Variants in MSL1 observed in about 807,000 individuals in gnomAD.
MSL1 encodes male-specific lethal 1 homolog.
In MSL1, 21 loss-of-function variants were observed where a neutral mutation model predicts 64.6. The observed-to-expected ratio is 0.33, with a 90% CI of 0.23 to 0.47. The LOEUF (loss-of-function observed/expected upper bound fraction) is 0.47. Among genes scored for constraint, MSL1 ranks in the 20% least tolerant of loss-of-function variants. The pLI is 1.00. For missense variants in MSL1, 664 were observed against 793.2 expected (o/e 0.84, Z 1.96); for synonymous variants, 339 against 329.6 (o/e 1.03, Z -0.31).
Position 40,131,417 on chromosome 17 carries a change from C to G in MSL1, c.1376-120C>G. ...CCCCAGAGAGAAATTCTCAAAAGAA[C>G]AACTCAAAAAACAAAATGGCTTCCT... On this transcript the variant is annotated intron_variant, in intron 3 of 8. Transcript: ENST00000398532. The surrounding 1 kb of genome is among the most constrained non-coding windows in gnomAD (Gnocchi z 4.5). The G allele has an allele frequency of 1.2e-6, 1 of 820,436 alleles. No homozygotes were observed. The highest frequency in any genetic ancestry group is 2.2e-5 in the Admixed American group (1 of 45,062). The allele number at this position is 820,436 out of a possible 1,614,324, so 50.8% of individuals were successfully genotyped here. A position where few individuals can be genotyped will look rare whatever the true frequency, so the allele number is the denominator to read the frequency against.
intron 5 of MSL1, among the ~76,000 whole-genome samples, chr17:40,132,375 C>T (rs543136975): frequency 8.5e-5 from 13 of 152,114 alleles, no homozygotes; most frequent in East Asian, 3.9e-4. Context: ...TGGTGGCTTA[C>T]GCCTATAATC....
In MSL1 at chr17:40,131,775, A is replaced by G; in HGVS notation, c.1423+191A>G. Reference sequence around the variant, plus strand: ...GTTTTTCAGGAACTGCTATAGCATCATTATATGAATTGTCAGGTATTGGTT... The same window carrying G: ...GTTTTTCAGGAACTGCTATAGCATCGTTATATGAATTGTCAGGTATTGGTT... On this transcript the variant is annotated intron_variant, in intron 4 of 8. Transcript: ENST00000398532. This position sits in a 1 kb window ranked among gnomAD's most constrained non-coding sequence, Gnocchi z 4.5. 2 of 645,372 alleles carry G rather than the reference A, an allele frequency of 3.1e-6. No homozygotes were observed. Among genetic ancestry groups the G allele is most frequent in the Non-Finnish European group, 5.5e-6 (2 of 360,730 alleles). 40.0% of individuals were successfully genotyped at this position (645,372 alleles called of 1,614,324 possible).
intron 1 of MSL1, among the ~76,000 whole-genome samples, chr17:40,123,618 G>T (rs1313937418): frequency 6.6e-6 from 1 of 152,084 alleles, no homozygotes; most frequent in African/African-American, 2.4e-5. Context: ...GGTGCCAAAG[G>T]GTTAATTTAA....
In MSL1 at chr17:40,135,918, G is replaced by A. The variant is rs1021616973; in HGVS notation, c.*1549G>A. On this transcript the variant is annotated 3_prime_UTR_variant, in exon 9 of 9. Coordinates refer to ENST00000398532, the MANE Select transcript of MSL1 (RefSeq NM_001365919.1). ...GCTTAGGAGAGTGGGCTCTCTATAA[G>A]GGAACCTGCTGTAAACTTCATTGCA... 7 of 152,092 alleles carry A rather than the reference G, an allele frequency of 4.6e-5. No individual in the cohort carries two copies. The highest frequency in any genetic ancestry group is 1.0e-4 in the Non-Finnish European group (7 of 67,998). The allele number at this position is 152,092 out of a possible 1,614,324, so 9.4% of individuals were successfully genotyped here.
At chr17:40,123,545 G>A (rs759955890) in intron 1 of MSL1, among the ~76,000 whole-genome samples, 165 bp downstream of exon 1, 41 of 151,980 alleles carry the variant, frequency 2.7e-4, no homozygotes, top group Non-Finnish European at 4.3e-4. Context: ...CAGGCTCACA[G>A]ACACGTTGGG....
At chr17:40,127,423 G>A (rs1476591455) in intron 2 of MSL1, among the ~76,000 whole-genome samples, 2 of 151,438 alleles carry the variant, frequency 1.3e-5, no homozygotes, top group Non-Finnish European at 2.9e-5. Context: ...CATACATTTT[G>A]AAAACTCAGA....
chr17:40,125,322 A>C (rs947792304), intron 1 of MSL1, among the ~76,000 whole-genome samples: 1 of 152,098 alleles, frequency 6.6e-6, no homozygotes, highest in Non-Finnish European at 1.5e-5. Flanking sequence ...ACTGATTTCT[A>C]TTTTCCAAAT....
At position 40,131,641 on chromosome 17, in the gene MSL1, G is replaced by A; in HGVS notation, c.1423+57G>A. The A allele has an allele frequency of 6.7e-7, 1 of 1,482,410 alleles. No individual in the cohort carries two copies. The highest frequency in any genetic ancestry group is 9.4e-7 in the Non-Finnish European group (1 of 1,060,216). 91.8% of individuals were successfully genotyped at this position (1,482,410 alleles called of 1,614,324 possible). ...CTGGGGTGGGGGTTGGTGGGATGGT[G>A]GATGGTTGGGAGCTGCATTCCCCAT... On this transcript the variant is annotated intron_variant, in intron 4 of 8. Coordinates refer to ENST00000398532, the MANE Select transcript of MSL1 (RefSeq NM_001365919.1). This position sits in a 1 kb window ranked among gnomAD's most constrained non-coding sequence, Gnocchi z 4.5.
In MSL1 at chr17:40,126,343, A is replaced by C; in HGVS notation, c.929A>C (p.Glu310Ala). The C allele has an allele frequency of 6.2e-7, 1 of 1,614,014 alleles. No homozygotes were observed. The highest frequency in any genetic ancestry group is 8.5e-7 in the Non-Finnish European group (1 of 1,179,896). The stretch of plus-strand genomic sequence containing the variant: ...CTGGAGTGCCAGCCGGAGCTTTCCG[A>C]GACATCCCAGACTCTGCCTCCCAAG... ...IKLECQPELS[E>A]TSQTLPPKPF... Residue 310 changes from glutamate to alanine, a missense_variant, in exon 2 of 9, where the codon GAG becomes GCG. This residue lies in a region of MSL1 where 466 missense variants were observed against 499.0 expected (regional missense o/e 0.93). Coordinates refer to ENST00000398532, the MANE Select transcript of MSL1 (RefSeq NM_001365919.1).
rs1342762674 is a variant in MSL1 at position 40,122,581 on chromosome 17, C to T, written c.-32C>T. Reference sequence around the variant, plus strand: ...CTCGCCCCTTCCCCACCCCCTCCTCCGCCTCGGTGCCCGGCGCTGCTCCGG... The same window carrying T: ...CTCGCCCCTTCCCCACCCCCTCCTCTGCCTCGGTGCCCGGCGCTGCTCCGG... On this transcript the variant is annotated 5_prime_UTR_variant, in exon 1 of 9. Coordinates refer to ENST00000398532, the MANE Select transcript of MSL1 (RefSeq NM_001365919.1). This position sits in a 1 kb window ranked among gnomAD's most constrained non-coding sequence, Gnocchi z 4.2. The T allele has an allele frequency of 8.6e-6, 12 of 1,391,816 alleles. No individual in the cohort carries two copies. Among genetic ancestry groups the T allele is most frequent in the Non-Finnish European group, 1.0e-5 (11 of 1,075,956 alleles). The allele number at this position is 1,391,816 out of a possible 1,614,324, so 86.2% of individuals were successfully genotyped here. A position where few individuals can be genotyped will look rare whatever the true frequency, so the allele number is the denominator to read the frequency against.
In MSL1 at chr17:40,131,916, T is replaced by C; in HGVS notation, c.1424-118T>C. ...AGGCCATAGAATGGATTCCTATCAC[T>C]TGGTAACTTTGTCTCTTCTGGGGAG... On this transcript the variant is annotated intron_variant, in intron 4 of 8. Coordinates refer to ENST00000398532, the MANE Select transcript of MSL1 (RefSeq NM_001365919.1). The surrounding 1 kb of genome is among the most constrained non-coding windows in gnomAD (Gnocchi z 4.5). The C allele has an allele frequency of 4.1e-6, 3 of 729,552 alleles. No individual in the cohort carries two copies. Among genetic ancestry groups the C allele is most frequent in the Non-Finnish European group, 6.9e-6 (3 of 433,184 alleles). The allele number at this position is 729,552 out of a possible 1,614,324, so 45.2% of individuals were successfully genotyped here. A position where few individuals can be genotyped will look rare whatever the true frequency, so the allele number is the denominator to read the frequency against.
Position 40,134,513 on chromosome 17 carries a change from T to C in MSL1, c.*144T>C. On this transcript the variant is annotated 3_prime_UTR_variant, in exon 9 of 9. Coordinates refer to ENST00000398532, the MANE Select transcript of MSL1 (RefSeq NM_001365919.1). Reference sequence around the variant, plus strand: ...TCATACTTCCTTGACTTTGTTTTCATTACTCTGATTTCACAAAAACTCTTT... The same window carrying C: ...TCATACTTCCTTGACTTTGTTTTCACTACTCTGATTTCACAAAAACTCTTT... 7.5e-6 allele frequency: 5 copies of C among 663,934 alleles called. No individual in the cohort carries two copies. The highest frequency in any genetic ancestry group is 1.3e-5 in the Non-Finnish European group (5 of 388,180). The allele number at this position is 663,934 out of a possible 1,614,324, so 41.1% of individuals were successfully genotyped here.
In MSL1 at chr17:40,122,880, G is replaced by A; in HGVS notation, c.268G>A (p.Gly90Arg). ...GLLLPAGAAP[G>R]QQEESWGGSV... is the part of the protein sequence containing the mutation. ...GTTACTCCCGGCCGGGGCGGCCCCC[G>A]GGCAGCAGGAAGAGAGCTGGGGCGG... is the stretch of plus-strand genomic sequence containing the variant. The change falls in exon 1 of 9, where the codon GGG becomes AGG. Residue 90 changes from glycine (G) to arginine (R), a missense_variant. Coordinates refer to ENST00000398532, the MANE Select transcript of MSL1 (RefSeq NM_001365919.1). The surrounding 1 kb of genome is among the most constrained non-coding windows in gnomAD (Gnocchi z 4.2). 7.1e-7 allele frequency: 1 copy of A among 1,406,334 alleles called. No homozygotes were observed. Among genetic ancestry groups the A allele is most frequent in the Non-Finnish European group, 9.2e-7 (1 of 1,089,618 alleles). 87.1% of individuals were successfully genotyped at this position (1,406,334 alleles called of 1,614,324 possible). A position where few individuals can be genotyped will look rare whatever the true frequency, so the allele number is the denominator to read the frequency against.
intron 1 of MSL1, among the ~76,000 whole-genome samples, chr17:40,125,963 C>T (rs1458621905): frequency 1.7e-4 from 26 of 152,200 alleles, no homozygotes; most frequent in Admixed American, 1.7e-3. Context: ...CCCCATGCCT[C>T]TTCCCATCTA....
chr17:40,133,118 A>C lies in MSL1; in HGVS notation c.1556+9A>C. ...GAGAAGAGAAGGAAAAGGTGAGGCCAGAGATGTCCATCCTGGAAACAACTG... is the reference window on the plus strand; with the variant it reads ...GAGAAGAGAAGGAAAAGGTGAGGCCCGAGATGTCCATCCTGGAAACAACTG... On this transcript the variant is annotated intron_variant, in intron 6 of 8. Coordinates refer to ENST00000398532, the MANE Select transcript of MSL1 (RefSeq NM_001365919.1). The C allele has an allele frequency of 6.2e-7, 1 of 1,601,810 alleles. No individual in the cohort carries two copies.
At chr17:40,129,787 T>C in intron 3 of MSL1, 160 bp downstream of exon 3, 4 of 717,234 alleles carry the variant, frequency 5.6e-6, no homozygotes, top group Non-Finnish European at 6.4e-6. Context: ...GTGCAGGCAT[T>C]GCAAATAGAT....
chr17:40,122,586 C>G lies in MSL1; in HGVS notation c.-27C>G. 7.2e-7 allele frequency: 1 copy of G among 1,392,116 alleles called. No individual in the cohort carries two copies. The highest frequency in any genetic ancestry group is 9.3e-7 in the Non-Finnish European group (1 of 1,075,658). The allele number at this position is 1,392,116 out of a possible 1,614,324, so 86.2% of individuals were successfully genotyped here. On this transcript the variant is annotated 5_prime_UTR_variant, in exon 1 of 9. Coordinates refer to ENST00000398532, the MANE Select transcript of MSL1 (RefSeq NM_001365919.1). This position sits in a 1 kb window ranked among gnomAD's most constrained non-coding sequence, Gnocchi z 4.2. The stretch of plus-strand genomic sequence containing the variant: ...CCCTTCCCCACCCCCTCCTCCGCCT[C>G]GGTGCCCGGCGCTGCTCCGGACCAC...
chr17:40,122,534 C>G lies in MSL1; in HGVS notation c.-79C>G, dbSNP rs539980187. ...AGCCCGCCAAACTCCCCTCCCCCCCCTCAGTCCTCGACCCCCCGCACCTCG... is the reference window on the plus strand; with the variant it reads ...AGCCCGCCAAACTCCCCTCCCCCCCGTCAGTCCTCGACCCCCCGCACCTCG... On this transcript the variant is annotated 5_prime_UTR_variant, in exon 1 of 9. Transcript: ENST00000398532. The surrounding 1 kb of genome is among the most constrained non-coding windows in gnomAD (Gnocchi z 4.2). 0.017 allele frequency: 15,948 copies of G among 947,732 alleles called. 218 individuals carry two copies. The highest frequency in any genetic ancestry group is 0.019 in the Non-Finnish European group (13,192 of 697,852). The allele number at this position is 947,732 out of a possible 1,614,324, so 58.7% of individuals were successfully genotyped here.
intron 1 of MSL1, among the ~76,000 whole-genome samples, chr17:40,123,678 A>T (rs1988247423): frequency 6.6e-6 from 1 of 151,968 alleles, no homozygotes; most frequent in Non-Finnish European, 1.5e-5. Context: ...AAAAGACGTG[A>T]TCTGTGAGGG....
Sources: allele counts gnomAD v4.1 joint callset (sites outside exome capture counted in the v4.1 genomes callset), GRCh38; gene constraint gnomAD v4.1.1; regional missense constraint gnomAD v4.1.1; non-coding constraint Gnocchi (gnomAD v3.1); transcripts MANE v1.5; gene names NCBI Gene and HGNC (gene_info 2026-07-23, HGNC 2026-07-21).